Variants in GARRE1 observed in about 807,000 individuals in gnomAD.
GARRE1 encodes the protein granule associated Rac and RHOG effector 1.
Under a neutral mutation model 103.2 loss-of-function variants are expected in GARRE1, and 49 were observed. That is an observed-to-expected ratio of 0.47 (90% CI 0.38 to 0.60). The LOEUF (loss-of-function observed/expected upper bound fraction) is 0.60, where lower values mean the gene tolerates loss of function less well. GARRE1 is among the 20% of genes least tolerant of loss of function. The pLI is 0.00. For synonymous variants in GARRE1, 505 were observed against 532.8 expected, an observed-to-expected ratio of 0.95 and a Z score of 0.72; for missense variants, 1,199 against 1,370.5, an observed-to-expected ratio of 0.87 and a Z score of 1.98.
rs2073946624 is a variant in GARRE1, at chr19:34,296,240, C to G, written c.-795-3439C>G. ...AGACGGCAGCCCGAGGGGGTCGCAG[C>G]AGTCCTTCTGTTCTCACATTTGTAG... is the stretch of plus-strand genomic sequence containing the variant. On this transcript the variant is annotated intron_variant, in intron 1 of 13. Coordinates refer to ENST00000299505, the MANE Select transcript of GARRE1 (RefSeq NM_014686.5). 6.4e-6 allele frequency: 4 copies of G among 620,984 alleles called. No homozygotes were observed. In the East Asian group the frequency reaches 1.0e-4, roughly 16 times the overall value. 38.5% of individuals were successfully genotyped at this position (620,984 alleles called of 1,614,324 possible).
intron 1 of GARRE1, among the ~76,000 whole-genome samples, chr19:34,290,464 A>C (rs1376460472): frequency 1.3e-5 from 2 of 152,240 alleles, no homozygotes; most frequent in Middle Eastern, 3.4e-3. Flanking sequence ...TTTAGCCTGC[A>C]GTTTGGCAAA....
chr19:34,291,395 G>T (rs1003728637), intron 1 of GARRE1, among the ~76,000 whole-genome samples: 1 of 152,202 alleles, frequency 6.6e-6, no homozygotes, highest in African/African-American at 2.4e-5. Context: ...GTTATGTGAA[G>T]AAAGTGACAA....
At chr19:34,345,028 C>T (rs986883256) in intron 10 of GARRE1, among the ~76,000 whole-genome samples, 1 of 152,114 alleles carries the variant, frequency 6.6e-6, no homozygotes, top group African/African-American at 2.4e-5. Flanking sequence ...TTCATAGAGA[C>T]GGGGTTTCAC....
intron 1 of GARRE1, among the ~76,000 whole-genome samples, chr19:34,287,136 C>CAA (rs34541474): frequency 1.7e-4 from 17 of 98,794 alleles, no homozygotes; most frequent in African/African-American, 4.6e-4. Context: ...AAGACTGTCT[C>CAA]AAAAAAAAAA....
intron 1 of GARRE1, among the ~76,000 whole-genome samples, chr19:34,255,440 C>G (rs955864403): frequency 8.5e-5 from 13 of 152,170 alleles, no homozygotes; most frequent in Non-Finnish European, 1.5e-4. Flanking sequence ...CCTTTCCTGG[C>G]AAAACACTCA....
intron 2 of GARRE1, among the ~76,000 whole-genome samples, chr19:34,318,262 C>T (rs929388656): frequency 3.3e-5 from 5 of 152,274 alleles, no homozygotes; most frequent in East Asian, 3.9e-4. Context: ...CGAGGCAAGG[C>T]GAGAGGTCCA....
intron 1 of GARRE1, among the ~76,000 whole-genome samples, chr19:34,261,303 G>A (rs1156816329): frequency 6.6e-6 from 1 of 151,990 alleles, no homozygotes; most frequent in East Asian, 1.9e-4. Context: ...TTGCAGTGAG[G>A]GCTCTGAGCG....
chr19:34,273,985 A>G (rs1055309560), intron 1 of GARRE1, among the ~76,000 whole-genome samples: 1 of 152,200 alleles, frequency 6.6e-6, no homozygotes, highest in Admixed American at 6.5e-5. Flanking sequence ...CACAGCATCC[A>G]GAGGGGAGTA....
intron 1 of GARRE1, among the ~76,000 whole-genome samples, chr19:34,257,899 T>C (rs906884178): frequency 6.9e-6 from 1 of 145,744 alleles, no homozygotes; most frequent in Admixed American, 6.8e-5. Flanking sequence ...TTTTCTTTTT[T>C]TTTTTTTTGA....
At chr19:34,294,552 A>G (rs2073936683) in intron 1 of GARRE1, among the ~76,000 whole-genome samples, 2 of 152,184 alleles carry the variant, frequency 1.3e-5, no homozygotes, top group African/African-American at 4.8e-5. Context: ...AGTTCTTTGA[A>G]CATACTTAAA....
chr19:34,298,529 A>G (rs1024018413), intron 1 of GARRE1, among the ~76,000 whole-genome samples: 5 of 152,018 alleles, frequency 3.3e-5, no homozygotes, highest in Non-Finnish European at 7.4e-5. Context: ...CCTGGCCAGC[A>G]TGGTGAAACC....
At chr19:34,257,583 A>T (rs1001822742) in intron 1 of GARRE1, among the ~76,000 whole-genome samples, 1 of 152,174 alleles carries the variant, frequency 6.6e-6, no homozygotes, top group African/African-American at 2.4e-5. Flanking sequence ...ATGTTGGTTT[A>T]GATAAGGAAT....
intron 1 of GARRE1, among the ~76,000 whole-genome samples, chr19:34,263,265 G>GAGTTAGAT (rs1555778752): frequency 6.7e-6 from 1 of 149,494 alleles, no homozygotes; most frequent in East Asian, 2.0e-4. Context: ...TCTCGATAGA[G>GAGTTAGAT]AGATAGATAG....
At chr19:34,293,993 C>T (rs1402204642) in intron 1 of GARRE1, among the ~76,000 whole-genome samples, 1 of 151,582 alleles carries the variant, frequency 6.6e-6, no homozygotes, top group Non-Finnish European at 1.5e-5. Context: ...CTCCTGACCT[C>T]TCAGGTGATC....
At chr19:34,341,269 C>A (rs1460748274) in intron 9 of GARRE1, 153 bp from the exon 10 acceptor site, 16 of 643,032 alleles carry the variant, frequency 2.5e-5, no homozygotes, top group African/African-American at 3.7e-5. Flanking sequence ...TCTCCAAACC[C>A]CTGGGTGTTC....
At chr19:34,313,257 G>A (rs1247414131) in intron 2 of GARRE1, among the ~76,000 whole-genome samples, 1 of 152,122 alleles carries the variant, frequency 6.6e-6, no homozygotes, top group Non-Finnish European at 1.5e-5. Context: ...TGGAGAATGA[G>A]TAAACCCTGG....
chr19:34,309,962 G>A (rs937633909), intron 2 of GARRE1, among the ~76,000 whole-genome samples: 3 of 152,180 alleles, frequency 2.0e-5, no homozygotes, highest in Admixed American at 1.3e-4. Flanking sequence ...AGAAAAGACC[G>A]TCTCTGAAAG....
chr19:34,337,021 T>C (rs975684720), intron 8 of GARRE1, among the ~76,000 whole-genome samples: 9 of 152,066 alleles, frequency 5.9e-5, no homozygotes, highest in African/African-American at 1.9e-4. Flanking sequence ...TGCTGGGTGC[T>C]TTTGGTAATT....
At chr19:34,263,624 C>A (rs1371069299) in intron 1 of GARRE1, among the ~76,000 whole-genome samples, 1 of 151,802 alleles carries the variant, frequency 6.6e-6, no homozygotes, top group Non-Finnish European at 1.5e-5. Context: ...ATTACAGGTG[C>A]CCGCCACTAC....
Sources: gnomAD v4.1 joint callset for allele counts (sites outside exome capture counted in the v4.1 genomes callset) on GRCh38, gnomAD v4.1.1 for gene constraint, MANE v1.5 for transcripts, NCBI Gene and HGNC (gene_info 2026-07-23, HGNC 2026-07-21) for gene names.